GDPD1: variants seen among roughly 807,000 people sequenced by gnomAD.
The protein encoded by GDPD1 is lysophospholipase D GDPD1.
GDPD1 carries 28 observed loss-of-function variants against 45.1 expected under a neutral mutation model. That is an observed-to-expected ratio of 0.62 (90% confidence interval 0.46 to 0.85). The LOEUF is 0.85. Among genes scored for constraint, GDPD1 ranks in the 40% least tolerant of loss-of-function variants. The pLI is 0.00. For synonymous variants in GDPD1, 139 were observed against 131.4 expected, an observed-to-expected ratio of 1.06 and a Z score of -0.40; for missense variants, 256 against 364.8, an observed-to-expected ratio of 0.70 and a Z score of 2.43.
intron 4 of GDPD1, among the ~76,000 whole-genome samples, chr17:59,254,571 A>G (rs1160120119): frequency 6.6e-6 from 1 of 152,136 alleles, no homozygotes; most frequent in African/African-American, 2.4e-5. Context: ...TACTATAAAC[A>G]TAATTTTTAG....
At position 59,255,812 on chromosome 17, in the gene GDPD1, CGCGT is replaced by C. The variant is rs1479157471; in HGVS notation, c.368-1309_368-1306del. 4.8e-4 allele frequency among the ~76,000 whole-genome samples: 31 copies of C among 64,630 alleles called. 2 individuals are homozygous for C. The highest frequency in any genetic ancestry group is 2.4e-3 in the African/African-American group (27 of 11,124). The allele number at this position is 64,630 out of a possible 152,430, so 42.4% of individuals were successfully genotyped here. On this transcript the variant is annotated intron_variant, in intron 4 of 9. Coordinates refer to ENST00000284116, the MANE Select transcript of GDPD1 (RefSeq NM_182569.4). ...GCGTATATATGTATATATATATATA[CGCGT>C]ATATATATATACGCGTATATATATA...
chr17:59,236,392 C>T (rs927559021), intron 2 of GDPD1, among the ~76,000 whole-genome samples: 5 of 152,104 alleles, frequency 3.3e-5, no homozygotes, highest in Non-Finnish European at 5.9e-5. Context: ...CCTTCTGTAT[C>T]ATGTGGAAGC....
chr17:59,249,713 A>G (rs1414605523), intron 4 of GDPD1, among the ~76,000 whole-genome samples: 1 of 152,216 alleles, frequency 6.6e-6, no homozygotes, highest in African/African-American at 2.4e-5. Flanking sequence ...AGGCTCCCTC[A>G]TTGTCACAAG....
chr17:59,254,535 A>G (rs1267663677), intron 4 of GDPD1, among the ~76,000 whole-genome samples: 1 of 152,134 alleles, frequency 6.6e-6, no homozygotes, highest in Admixed American at 6.6e-5. Context: ...GTCTCAAAAT[A>G]TATATACATA....
intron 2 of GDPD1, 149 bp from the exon 3 acceptor site, chr17:59,245,265 A>G (rs1279659377): frequency 1.9e-6 from 1 of 526,016 alleles, no homozygotes; most frequent in African/African-American, 1.9e-5. Context: ...GAATATTTTC[A>G]TATTAATAAG....
At chr17:59,262,943 G>A (rs769043948) in intron 6 of GDPD1, among the ~76,000 whole-genome samples, 1 of 151,974 alleles carries the variant, frequency 6.6e-6, no homozygotes, top group African/African-American at 2.4e-5. Context: ...TTTGTATCTT[G>A]ATTGCGGTAG....
In GDPD1 at chr17:59,224,250, A is replaced by C. The variant is rs115139903; in HGVS notation, c.142+3499A>C. On this transcript the variant is annotated intron_variant, in intron 1 of 9. Transcript: ENST00000284116. ...AGATGGGCCAATGGATTTTCACATA[A>C]TAGAGTATGAAGTGATTACTCATAT... 3.0e-3 allele frequency among the ~76,000 whole-genome samples: 463 copies of C among 152,302 alleles called. 3 individuals carry two copies. The highest frequency in any genetic ancestry group is 0.011 in the African/African-American group (453 of 41,572).
intron 1 of GDPD1, among the ~76,000 whole-genome samples, chr17:59,221,387 C>T (rs1196097591): frequency 1.3e-5 from 2 of 149,898 alleles, no homozygotes; most frequent in African/African-American, 4.9e-5. Flanking sequence ...GGAGCTACAG[C>T]GTCCTGGTCC....
At chr17:59,233,416 A>G (rs1174150529) in intron 1 of GDPD1, among the ~76,000 whole-genome samples, 1 of 150,382 alleles carries the variant, frequency 6.6e-6, no homozygotes, top group South Asian at 2.1e-4. Context: ...GGAGGCTGAG[A>G]CAGGAGAATG....
intron 7 of GDPD1, among the ~76,000 whole-genome samples, chr17:59,270,696 A>G (rs1039888004): frequency 3.3e-5 from 5 of 152,028 alleles, no homozygotes; most frequent in Non-Finnish European, 7.4e-5. Context: ...TTATTTATGT[A>G]TGCATTTATT....
intron 1 of GDPD1, among the ~76,000 whole-genome samples, chr17:59,227,281 T>C (rs1814166431): frequency 6.6e-6 from 1 of 151,910 alleles, no homozygotes; most frequent in Non-Finnish European, 1.5e-5. Flanking sequence ...TATCTGGGTA[T>C]AGTGGCATGT....
At chr17:59,229,472 G>A (rs1422190900) in intron 1 of GDPD1, among the ~76,000 whole-genome samples, 6 of 151,664 alleles carry the variant, frequency 4.0e-5, no homozygotes, top group South Asian at 4.2e-4. Flanking sequence ...TGATCTGCCC[G>A]CCTCGGCCTC....
intron 4 of GDPD1, among the ~76,000 whole-genome samples, chr17:59,254,015 A>G (rs1209457226): frequency 6.6e-6 from 1 of 151,520 alleles, no homozygotes; most frequent in Non-Finnish European, 1.5e-5. Flanking sequence ...GAGGCCAAGA[A>G]TTCAAGGCCA....
At chr17:59,227,484 A>T (rs181011628) in intron 1 of GDPD1, among the ~76,000 whole-genome samples, 3 of 152,264 alleles carry the variant, frequency 2.0e-5, no homozygotes, top group Non-Finnish European at 4.4e-5. Flanking sequence ...TTTACATAGT[A>T]TATAATATTA....
At chr17:59,270,081 G>C (rs2047433097) in intron 7 of GDPD1, among the ~76,000 whole-genome samples, 1 of 151,920 alleles carries the variant, frequency 6.6e-6, no homozygotes, top group African/African-American at 2.4e-5. Context: ...TATAGTGATT[G>C]TTTAATGAGG....
chr17:59,240,385 TG>T (rs2047166804), intron 2 of GDPD1, among the ~76,000 whole-genome samples: 1 of 152,012 alleles, frequency 6.6e-6, no homozygotes, highest in South Asian at 2.1e-4. Context: ...AGCTGTAAAA[TG>T]TTTGTGTTTT....
Position 59,275,359 on chromosome 17 carries a change from C to T in GDPD1, c.*1586C>T, listed in dbSNP as rs2047473875. 3.4e-6 allele frequency: 2 copies of T among 590,286 alleles called. No homozygotes were observed. Among genetic ancestry groups the T allele is most frequent in the Non-Finnish European group, 5.9e-6 (2 of 338,374 alleles). The allele number at this position is 590,286 out of a possible 1,614,324, so 36.6% of individuals were successfully genotyped here. ...AAAATCTGTAGAGTGAATTAGATTT[C>T]TGAGTTGTTGTTGTTAATGGAACAT... On this transcript the variant is annotated 3_prime_UTR_variant, in exon 10 of 10. Transcript: ENST00000284116.
chr17:59,227,018 C>T (rs1472902529), intron 1 of GDPD1, among the ~76,000 whole-genome samples: 1 of 151,936 alleles, frequency 6.6e-6, no homozygotes, highest in Non-Finnish European at 1.5e-5. Context: ...ATTGAATTGT[C>T]TCTTTCTATT....
chr17:59,233,961 C>T (rs1312328149), intron 1 of GDPD1, among the ~76,000 whole-genome samples: 2 of 152,078 alleles, frequency 1.3e-5, no homozygotes, highest in Admixed American at 1.3e-4. Flanking sequence ...GGCTTGGGTT[C>T]TATCCCCAAG....
Sources: gnomAD v4.1 joint callset for allele counts (sites outside exome capture counted in the v4.1 genomes callset) on GRCh38, gnomAD v4.1.1 for gene constraint, MANE v1.5 for transcripts, NCBI Gene and HGNC (gene_info 2026-07-23, HGNC 2026-07-21) for gene names.